Variants in SPAG17 observed in about 807,000 individuals in gnomAD.
The protein encoded by SPAG17 is sperm-associated antigen 17.
Under a neutral mutation model 273.6 loss-of-function variants are expected in SPAG17, and 169 were observed. The ratio of observed to expected loss-of-function variants is 0.62; its 90% confidence interval spans 0.55 to 0.70. The LOEUF is 0.70. Among genes scored for constraint, SPAG17 ranks in the 30% least tolerant of loss-of-function variants. SPAG17 has a pLI of 0.00. For synonymous variants in SPAG17, 825 were observed against 873.2 expected, an observed-to-expected ratio of 0.94 and a Z score of 0.97; for missense variants, 2,557 against 2,627.8, an observed-to-expected ratio of 0.97 and a Z score of 0.59.
chr1:117,981,710 G>T (rs533619988), intron 42 of SPAG17, among the ~76,000 whole-genome samples: 4 of 152,272 alleles, frequency 2.6e-5, no homozygotes, highest in African/African-American at 9.6e-5. Context: ...TTATGTAGAA[G>T]AGGCCAAGTA....
At chr1:117,958,758 C>G in intron 48 of SPAG17, 2 of 592,536 alleles carry the variant, frequency 3.4e-6, no homozygotes. Flanking sequence ...GAGAAAGAAA[C>G]TTCTTTGGCT....
intron 17 of SPAG17, among the ~76,000 whole-genome samples, chr1:118,067,299 C>G (rs1653080436): frequency 6.6e-6 from 1 of 152,148 alleles, no homozygotes; most frequent in Admixed American, 6.5e-5. Context: ...TGTTCACCAT[C>G]CCTATTTATA....
chr1:118,079,561 T>G (rs1230305397), intron 15 of SPAG17, among the ~76,000 whole-genome samples: 1 of 151,362 alleles, frequency 6.6e-6, no homozygotes, highest in African/African-American at 2.4e-5. Context: ...CCTATGTTTC[T>G]ATGTTTTCTA....
At chr1:118,001,161 G>C (rs1381258547) in intron 32 of SPAG17, among the ~76,000 whole-genome samples, 1 of 152,144 alleles carries the variant, frequency 6.6e-6, no homozygotes, top group African/African-American at 2.4e-5. Flanking sequence ...CTTGCATCCT[G>C]TGAATGAAGC....
chr1:118,157,878 A>G (rs144442337), intron 1 of SPAG17, among the ~76,000 whole-genome samples: 1 of 152,260 alleles, frequency 6.6e-6, no homozygotes, highest in East Asian at 1.9e-4. Context: ...CCTTAAAGAT[A>G]TTATTTTGGG....
chr1:118,074,248 C>T (rs1171501651), intron 16 of SPAG17, among the ~76,000 whole-genome samples: 1 of 152,046 alleles, frequency 6.6e-6, no homozygotes, highest in East Asian at 1.9e-4. Context: ...CTCTTCAAGA[C>T]AACGTTAGCT....
chr1:118,178,100 T>C (rs960222146), intron 1 of SPAG17, among the ~76,000 whole-genome samples: 8 of 151,948 alleles, frequency 5.3e-5, no homozygotes, highest in African/African-American at 1.9e-4. Context: ...CAAAACCACA[T>C]AAAGAAACAA....
chr1:118,143,310 G>A (rs888292469), intron 3 of SPAG17, among the ~76,000 whole-genome samples: 3 of 152,200 alleles, frequency 2.0e-5, no homozygotes, highest in East Asian at 3.8e-4. Context: ...GCTTGTGTGT[G>A]ATGCAAGTAG....
chr1:118,082,450 G>GA (rs1256138810), intron 13 of SPAG17, among the ~76,000 whole-genome samples: 5 of 152,162 alleles, frequency 3.3e-5, no homozygotes, highest in East Asian at 1.9e-4. Flanking sequence ...GGTCCTTTGG[G>GA]AAAAAACAGG....
intron 47 of SPAG17, 114 bp downstream of exon 47, chr1:117,966,495 C>A: frequency 9.2e-7 from 1 of 1,089,792 alleles, no homozygotes; most frequent in South Asian, 2.4e-5. Context: ...AAATTTAACT[C>A]TGATTTTGAA....
chr1:118,035,798 C>T (rs1454631044), intron 24 of SPAG17, among the ~76,000 whole-genome samples: 3 of 152,142 alleles, frequency 2.0e-5, no homozygotes, highest in Non-Finnish European at 4.4e-5. Context: ...CTCTAAAATG[C>T]ATGGGAAGCC....
intron 25 of SPAG17, among the ~76,000 whole-genome samples, chr1:118,030,514 G>A (rs1000088756): frequency 2.0e-5 from 3 of 151,804 alleles, no homozygotes; most frequent in African/African-American, 7.3e-5. Context: ...ATGGTGGTTT[G>A]CTGCACCTAT....
chr1:118,042,622 G>A (rs1408128970), intron 20 of SPAG17, among the ~76,000 whole-genome samples: 2 of 152,104 alleles, frequency 1.3e-5, no homozygotes, highest in Non-Finnish European at 2.9e-5. Context: ...GGAAAATAGG[G>A]TCTAGAGGCA....
At chr1:118,090,468 CAAAG>C (rs1024182876) in intron 10 of SPAG17, among the ~76,000 whole-genome samples, 2 of 151,608 alleles carry the variant, frequency 1.3e-5, no homozygotes, top group African/African-American at 2.4e-5. Flanking sequence ...AGGATGCAAA[CAAAG>C]AAACACTCGA....
intron 27 of SPAG17, among the ~76,000 whole-genome samples, chr1:118,024,991 G>A (rs530570374): frequency 6.6e-6 from 1 of 152,196 alleles, no homozygotes; most frequent in Admixed American, 6.5e-5. Flanking sequence ...GCTTGAGAGG[G>A]AGAAAAGGAA....
At chr1:117,989,876 G>T (rs1397594847) in intron 38 of SPAG17, among the ~76,000 whole-genome samples, 1 of 152,058 alleles carries the variant, frequency 6.6e-6, no homozygotes, top group Non-Finnish European at 1.5e-5. Context: ...CACCAGGCCG[G>T]GCCTGGGGAT....
In SPAG17 at chr1:117,995,401, T is replaced by G. The variant is rs189405499; in HGVS notation, c.5054-871A>C. Among the ~76,000 whole-genome samples, 551 of 152,114 alleles carry G rather than the reference T, an allele frequency of 3.6e-3. 3 individuals carry two copies. The highest frequency in any genetic ancestry group is 0.013 in the African/African-American group (525 of 41,502). ...GTCCATGCCTGTTTTAGTTCACCAT[T>G]GTATTCCTAACACCCAGCCAGTGTT... is the stretch of plus-strand genomic sequence containing the variant. On this transcript the variant is annotated intron_variant, in intron 34 of 48. Coordinates refer to ENST00000336338, the MANE Select transcript of SPAG17 (RefSeq NM_206996.4).
In SPAG17 at chr1:118,081,616, G is replaced by T; in HGVS notation, c.1789C>A (p.Arg597=). The change falls in exon 14 of 49, where the codon CGA becomes AGA. Residue 597 remains arginine (R), a synonymous_variant. Coordinates refer to ENST00000336338, the MANE Select transcript of SPAG17 (RefSeq NM_206996.4). The part of the protein sequence containing the change: ...SDVLSWNEVE[R]AFKVFTFESL... ...TCAAAAGTAAACACCTTGAAGGCTCGTTCTACTTCATTCCAGCTCAAGACA... is the reference window on the plus strand; with the variant it reads ...TCAAAAGTAAACACCTTGAAGGCTCTTTCTACTTCATTCCAGCTCAAGACA... 6.2e-7 allele frequency: 1 copy of T among 1,613,846 alleles called. No individual in the cohort carries two copies. The highest frequency in any genetic ancestry group is 1.1e-5 in the South Asian group (1 of 91,070).
intron 30 of SPAG17, among the ~76,000 whole-genome samples, chr1:118,011,576 T>C (rs1300993068): frequency 6.6e-6 from 1 of 151,952 alleles, no homozygotes; most frequent in East Asian, 1.9e-4. Context: ...TACTGGAAGG[T>C]AGGAAGAAGG....
Sources: allele counts gnomAD v4.1 joint callset (sites outside exome capture counted in the v4.1 genomes callset), GRCh38; gene constraint gnomAD v4.1.1; transcripts MANE v1.5; gene names NCBI Gene and HGNC (gene_info 2026-07-23, HGNC 2026-07-21).